Variants in EIF4G3 observed in about 807,000 individuals in gnomAD.
EIF4G3 encodes eIF-4-gamma 3.
EIF4G3 carries 34 observed loss-of-function variants against 186.4 expected under a neutral mutation model. The ratio of observed to expected loss-of-function variants is 0.18; its 90% CI spans 0.14 to 0.24. EIF4G3 has a LOEUF of 0.24. EIF4G3 is among the 10% of genes least tolerant of loss of function. EIF4G3 has a pLI of 1.00. For missense variants in EIF4G3, 1,536 were observed against 1,948.5 expected, an observed-to-expected ratio of 0.79 and a Z score of 3.99; for synonymous variants, 673 against 679.5, an observed-to-expected ratio of 0.99 and a Z score of 0.15.
At chr1:21,061,023 A>G (rs2094885305) in intron 3 of EIF4G3, among the ~76,000 whole-genome samples, 1 of 152,154 alleles carries the variant, frequency 6.6e-6, no homozygotes, top group Admixed American at 6.5e-5. Context: ...CCTGGAGTTT[A>G]TGGTCTAGCT....
In EIF4G3 at chr1:20,981,069, C is replaced by A. The variant is rs559259798; in HGVS notation, c.357G>T (p.Gly119=). 4 of 1,611,404 alleles carry A rather than the reference C, an allele frequency of 2.5e-6. No individual in the cohort carries two copies. The highest frequency in any genetic ancestry group is 3.4e-6 in the Non-Finnish European group (4 of 1,178,638). The change falls in exon 9 of 37, where the codon GGG becomes GGT. Residue 119 remains glycine, a synonymous_variant. Transcript: ENST00000602326. ...TTACCTGTGGTATACAGTACTGAGG[C>A]CCCTGGGGCACTGGGTACGGCATGG... The part of the protein sequence containing the change: ...HLPMPYPVPQ[G]PQYCIPQYRH...
intron 2 of EIF4G3, among the ~76,000 whole-genome samples, chr1:21,142,208 A>G (rs1466833804): frequency 6.6e-6 from 1 of 151,890 alleles, no homozygotes; most frequent in East Asian, 1.9e-4. Context: ...GGAATCTAAA[A>G]GTGGCTAATG....
At chr1:20,918,131 C>A (rs1168128637) in intron 14 of EIF4G3, among the ~76,000 whole-genome samples, 1 of 152,114 alleles carries the variant, frequency 6.6e-6, no homozygotes, top group Non-Finnish European at 1.5e-5. Context: ...TGAGGTGAAC[C>A]TTGCCTCAGC....
chr1:21,053,191 C>T (rs200277823), intron 3 of EIF4G3, among the ~76,000 whole-genome samples: 4,253 of 151,868 alleles, frequency 0.028, 81 homozygotes, highest in East Asian at 0.13. Flanking sequence ...CTCTGCCCTG[C>T]CACCCCGTCT....
At chr1:21,016,446 G>A (rs2089085289) in intron 4 of EIF4G3, among the ~76,000 whole-genome samples, 1 of 152,132 alleles carries the variant, frequency 6.6e-6, no homozygotes, top group Non-Finnish European at 1.5e-5. Flanking sequence ...AACACTTTGA[G>A]AGGTGGAGGT....
chr1:20,891,780 A>C (rs1445527709), intron 18 of EIF4G3, among the ~76,000 whole-genome samples: 3 of 147,048 alleles, frequency 2.0e-5, no homozygotes, highest in Admixed American at 6.9e-5. Context: ...ACAGAGCGAC[A>C]CTCTGTCTCA....
chr1:21,003,014 G>A (rs2083950333), intron 4 of EIF4G3, among the ~76,000 whole-genome samples: 1 of 139,366 alleles, frequency 7.2e-6, no homozygotes. Context: ...TTAAATTAAT[G>A]AACTGGGGTC....
chr1:20,948,340 G>A (rs573037895), intron 13 of EIF4G3, among the ~76,000 whole-genome samples: 3 of 152,304 alleles, frequency 2.0e-5, no homozygotes, highest in South Asian at 4.1e-4. Context: ...TAAAGAATTC[G>A]CTTGAAGCAT....
At chr1:20,811,080 G>A (rs1384373471) in intron 35 of EIF4G3, among the ~76,000 whole-genome samples, 196 bp from the exon 36 acceptor site, 1 of 152,096 alleles carries the variant, frequency 6.6e-6, no homozygotes, top group South Asian at 2.1e-4. Context: ...CTCCCAAGTT[G>A]TTGGGACTAC....
At chr1:21,128,751 T>C (rs996021221) in intron 2 of EIF4G3, among the ~76,000 whole-genome samples, 1 of 152,204 alleles carries the variant, frequency 6.6e-6, no homozygotes, top group African/African-American at 2.4e-5. Context: ...TCAAGTATTT[T>C]TGTAATCCTT....
At chr1:21,035,018 AC>A (rs1354651426) in intron 4 of EIF4G3, among the ~76,000 whole-genome samples, 1 of 151,992 alleles carries the variant, frequency 6.6e-6, no homozygotes, top group African/African-American at 2.4e-5. Flanking sequence ...CTGGAGCCCC[AC>A]CCCAGGTGGC....
At chr1:21,089,831 C>T (rs1304223629) in intron 2 of EIF4G3, among the ~76,000 whole-genome samples, 2 of 151,854 alleles carry the variant, frequency 1.3e-5, no homozygotes, top group Non-Finnish European at 2.9e-5. Flanking sequence ...AAAGAAATGA[C>T]CCATGTAAAA....
chr1:20,819,056 T>G lies in EIF4G3; in HGVS notation c.4369-1518A>C, dbSNP rs571472398. ...CAGCTGAGACTACAGTGTGCACCAC[T>G]GCACCCAGCTCCATAAGATTTTAGA... On this transcript the variant is annotated intron_variant, in intron 33 of 36. Transcript: ENST00000602326. Among the ~76,000 whole-genome samples, 14 of 152,264 alleles carry G rather than the reference T, an allele frequency of 9.2e-5. No homozygotes were observed. In the South Asian group the frequency reaches 2.9e-3, roughly 32 times the overall value.
intron 2 of EIF4G3, among the ~76,000 whole-genome samples, chr1:21,117,805 G>T (rs1401555439): frequency 6.6e-6 from 1 of 150,506 alleles, no homozygotes; most frequent in African/African-American, 2.4e-5. Flanking sequence ...CTCTTTAGGG[G>T]ATATCTCCTC....
At chr1:20,863,320 G>T (rs1030105146) in intron 22 of EIF4G3, among the ~76,000 whole-genome samples, 14 of 143,162 alleles carry the variant, frequency 9.8e-5, no homozygotes, top group Admixed American at 7.8e-4. Flanking sequence ...ACTGCTTGAA[G>T]CCAGGAGTTT....
chr1:20,877,402 G>C (rs768342488), intron 20 of EIF4G3, among the ~76,000 whole-genome samples: 1 of 152,146 alleles, frequency 6.6e-6, no homozygotes, highest in Non-Finnish European at 1.5e-5. Context: ...ACATCACCCT[G>C]AGAAGTTATT....
chr1:20,846,699 G>C (rs1046229826), intron 29 of EIF4G3, among the ~76,000 whole-genome samples: 1 of 152,108 alleles, frequency 6.6e-6, no homozygotes, highest in Non-Finnish European at 1.5e-5. Flanking sequence ...CTAAAATGTG[G>C]CTAGCACACT....
intron 20 of EIF4G3, among the ~76,000 whole-genome samples, chr1:20,868,879 C>T (rs1254509210): frequency 6.6e-6 from 1 of 152,164 alleles, no homozygotes; most frequent in Non-Finnish European, 1.5e-5. Context: ...TAAAGAGACC[C>T]ATCCACATAC....
chr1:20,927,500 A>G (rs2094993251), intron 14 of EIF4G3, among the ~76,000 whole-genome samples: 1 of 152,178 alleles, frequency 6.6e-6, no homozygotes, highest in South Asian at 2.1e-4. Flanking sequence ...TTTCCAGAGA[A>G]GTCTGAAAGC....
Sources: allele counts gnomAD v4.1 joint callset (sites outside exome capture counted in the v4.1 genomes callset), GRCh38; gene constraint gnomAD v4.1.1; transcripts MANE v1.5; gene names NCBI Gene and HGNC (gene_info 2026-07-23, HGNC 2026-07-21).